IL23R: variants seen among roughly 807,000 people sequenced by gnomAD.
The protein encoded by IL23R is interleukin 23 receptor.
In IL23R, 34 loss-of-function variants were observed where a neutral mutation model predicts 56.9. That is an observed-to-expected ratio of 0.60 (90% CI 0.45 to 0.80). The LOEUF (loss-of-function observed/expected upper bound fraction) is 0.80. Among genes scored for constraint, IL23R ranks in the 30% least tolerant of loss-of-function variants. IL23R has a pLI of 0.00. For missense variants in IL23R, 635 were observed against 730.0 expected, an observed-to-expected ratio of 0.87 and a Z score of 1.50; for synonymous variants, 230 against 249.2, an observed-to-expected ratio of 0.92 and a Z score of 0.73.
chr1:67,174,335 C>T (rs541476706), intron 3 of IL23R, among the ~76,000 whole-genome samples: 16 of 151,066 alleles, frequency 1.1e-4, no homozygotes, highest in Non-Finnish European at 2.2e-4. Flanking sequence ...TTTCAAAATC[C>T]TTGCTAATTT....
chr1:67,196,433 A>G (rs992119230), intron 4 of IL23R, among the ~76,000 whole-genome samples: 4 of 152,148 alleles, frequency 2.6e-5, no homozygotes, highest in African/African-American at 9.7e-5. Flanking sequence ...CCAGCTACTC[A>G]GGAGGCTGAG....
rs116779069 is a variant in IL23R, at chr1:67,241,762, T to C, written c.1148+1481T>C. Among the ~76,000 whole-genome samples, 1,091 of 152,292 alleles carry C rather than the reference T, an allele frequency of 7.2e-3. 15 individuals are homozygous for C. Among genetic ancestry groups the C allele is most frequent in the African/African-American group, 0.025 (1,032 of 41,570 alleles). ...ACCAGGGAGATTACTATTAGGACTA[T>C]TGGGAGAATAATACTAAGAGTTTGG... On this transcript the variant is annotated intron_variant, in intron 9 of 10. Transcript: ENST00000347310.
At chr1:67,195,140 G>A (rs1167146068) in intron 4 of IL23R, among the ~76,000 whole-genome samples, 4 of 152,148 alleles carry the variant, frequency 2.6e-5, no homozygotes, top group African/African-American at 7.2e-5. Context: ...CCTGGGCTCA[G>A]GCAATCCTCA....
intron 7 of IL23R, among the ~76,000 whole-genome samples, chr1:67,233,715 T>A (rs1651260602): frequency 6.6e-6 from 1 of 152,184 alleles, no homozygotes; most frequent in Admixed American, 6.5e-5. Context: ...AAATTAAAGA[T>A]AATTTGGATT....
chr1:67,141,907 AG>A (rs1646641718), intron 1 of IL23R, among the ~76,000 whole-genome samples: 1 of 152,280 alleles, frequency 6.6e-6, no homozygotes, highest in East Asian at 1.9e-4. Context: ...AGATTTGTGC[AG>A]GGGGAAGCGT....
intron 7 of IL23R, among the ~76,000 whole-genome samples, chr1:67,222,427 T>A (rs1343368324): frequency 1.3e-5 from 2 of 152,246 alleles, no homozygotes; most frequent in African/African-American, 4.8e-5. Flanking sequence ...AGGGAATTAT[T>A]TTCAGTATCA....
intron 5 of IL23R, among the ~76,000 whole-genome samples, chr1:67,206,704 G>A (rs531925970): frequency 1.5e-3 from 221 of 151,918 alleles, no homozygotes; most frequent in Non-Finnish European, 2.5e-3. Flanking sequence ...TGGGGAATGG[G>A]CTGAATAGAA....
chr1:67,152,875 T>C (rs1422227920), intron 1 of IL23R, among the ~76,000 whole-genome samples: 1 of 152,222 alleles, frequency 6.6e-6, no homozygotes, highest in East Asian at 1.9e-4. Flanking sequence ...GATTTTCGCA[T>C]TGATGTTCAT....
chr1:67,192,635 A>C (rs1212619674), intron 4 of IL23R, among the ~76,000 whole-genome samples: 1 of 152,176 alleles, frequency 6.6e-6, no homozygotes, highest in Non-Finnish European at 1.5e-5. Flanking sequence ...CTCTCCCAAG[A>C]CTTGCATTTT....
At chr1:67,183,897 G>T (rs1031369627) in intron 4 of IL23R, among the ~76,000 whole-genome samples, 2 of 152,132 alleles carry the variant, frequency 1.3e-5, no homozygotes, top group Non-Finnish European at 2.9e-5. Context: ...AGGACAAGTT[G>T]CTTACCTTAT....
At chr1:67,209,638 C>CT (rs1304746267) in intron 6 of IL23R, among the ~76,000 whole-genome samples, 1 of 152,178 alleles carries the variant, frequency 6.6e-6, no homozygotes, top group Non-Finnish European at 1.5e-5. Context: ...AATTAAACCT[C>CT]TTTTTCTTCC....
rs551731847 is a variant in IL23R at position 67,172,971 on chromosome 1, C to T, written c.367+3333C>T. On this transcript the variant is annotated intron_variant, in intron 3 of 10. Coordinates refer to ENST00000347310, the MANE Select transcript of IL23R (RefSeq NM_144701.3). ...TAGAAGTACAAAGAAGAGGAAATCA[C>T]GGACTGTTTTCAAGAAGTTCTCAGT... Among the ~76,000 whole-genome samples the T allele has an allele frequency of 2.9e-4, 44 of 152,208 alleles. No homozygotes were observed. The South Asian group carries it at 4.6e-3, about 16-fold the overall frequency.
chr1:67,207,505 G>C, intron 6 of IL23R: 1 of 313,916 alleles, frequency 3.2e-6, no homozygotes, highest in Admixed American at 4.5e-5. Flanking sequence ...AGGGACCCAG[G>C]GGGAGGTAAT....
In IL23R at chr1:67,219,688, C is replaced by T; in HGVS notation, c.913C>T (p.Gln305Ter). Residue 305 changes from glutamine (Q) to a stop codon, truncating the protein, a stop_gained, in exon 7 of 11, where the codon CAG becomes TAG. Coordinates refer to ENST00000347310, the MANE Select transcript of IL23R (RefSeq NM_144701.3). LOFTEE classifies it high-confidence loss of function. ...RCQETGKRYW[Q>*]PWSSLFFHKT... ...TCAAGAAACAGGCAAAAGGTACTGG[C>T]AGCCTTGGAGTTCACTGTTTTTTCA... is the stretch of plus-strand genomic sequence containing the variant. 6.2e-7 allele frequency: 1 copy of T among 1,614,022 alleles called. No individual in the cohort carries two copies. Among genetic ancestry groups the T allele is most frequent in the East Asian group, 2.2e-5 (1 of 44,874 alleles).
chr1:67,162,435 C>T (rs753121490), upstream of IL23R, among the ~76,000 whole-genome samples: 7 of 151,776 alleles, frequency 4.6e-5, no homozygotes, highest in African/African-American at 1.2e-4. Flanking sequence ...TGCAGTGAGC[C>T]GAGATCGCGC....
intron 6 of IL23R, among the ~76,000 whole-genome samples, chr1:67,207,367 C>G (rs888693234): frequency 6.6e-6 from 1 of 152,178 alleles, no homozygotes; most frequent in Non-Finnish European, 1.5e-5. Flanking sequence ...CCTTCCTCCA[C>G]ACTCTAGTGT....
intron 10 of IL23R, among the ~76,000 whole-genome samples, chr1:67,258,188 TAA>T (rs1488116493): frequency 2.0e-5 from 3 of 152,170 alleles, no homozygotes; most frequent in Admixed American, 6.6e-5. Context: ...AGTTAATATA[TAA>T]GACTCAACTT....
intron 8 of IL23R, among the ~76,000 whole-genome samples, chr1:67,238,203 A>G (rs1452378874): frequency 2.0e-5 from 3 of 151,786 alleles, no homozygotes; most frequent in South Asian, 2.1e-4. Flanking sequence ...CAAAAATTAG[A>G]TGGGTGTGGT....
chr1:67,239,405 A>G (rs558157967), intron 8 of IL23R, among the ~76,000 whole-genome samples: 1 of 152,314 alleles, frequency 6.6e-6, no homozygotes, highest in East Asian at 1.9e-4. Context: ...CGGGGACTAC[A>G]GGCACATGCC....
Sources: gnomAD v4.1 joint callset for allele counts (sites outside exome capture counted in the v4.1 genomes callset) on GRCh38, gnomAD v4.1.1 for gene constraint, MANE v1.5 for transcripts, NCBI Gene and HGNC (gene_info 2026-07-23, HGNC 2026-07-21) for gene names.